Variants in GRM5 observed in about 807,000 individuals in gnomAD.
The protein encoded by GRM5 is glutamate metabotropic receptor 5, also known as metabotropic glutamate receptor 5.
GRM5 carries 19 observed loss-of-function variants against 83.1 expected under a neutral mutation model. That is an observed-to-expected ratio of 0.23 (90% CI 0.16 to 0.34). GRM5 has a LOEUF of 0.34. Ranked by LOEUF, GRM5 falls within the 10% of genes least tolerant of loss-of-function variation. The pLI, the probability that GRM5 is intolerant of heterozygous loss-of-function variation, is 1.00. For missense variants in GRM5, 1,160 were observed against 1,588.3 expected (o/e 0.73, Z 4.58); for synonymous variants, 675 against 633.6 (o/e 1.07, Z -0.98).
chr11:88,554,272 C>T (rs186028315), intron 8 of GRM5, among the ~76,000 whole-genome samples: 4 of 152,202 alleles, frequency 2.6e-5, no homozygotes, highest in East Asian at 1.9e-4. Flanking sequence ...AATGTCTCTC[C>T]GACTCTGGCA....
At chr11:88,573,623 T>C (rs1444558157) in intron 7 of GRM5, among the ~76,000 whole-genome samples, 1 of 152,184 alleles carries the variant, frequency 6.6e-6, no homozygotes, top group Non-Finnish European at 1.5e-5. Flanking sequence ...AGATATAAGA[T>C]AGATTATAAA....
At chr11:88,663,018 C>T (rs1483622453) in intron 3 of GRM5, among the ~76,000 whole-genome samples, 5 of 152,166 alleles carry the variant, frequency 3.3e-5, no homozygotes, top group African/African-American at 4.8e-5. Context: ...ACGCATTTTT[C>T]TTTAAGCTTC....
chr11:88,746,781 A>G (rs1484357535), intron 3 of GRM5, among the ~76,000 whole-genome samples: 1 of 152,152 alleles, frequency 6.6e-6, no homozygotes, highest in African/African-American at 2.4e-5. Context: ...TGTAATCAGA[A>G]AAAAAGTAGC....
rs142733716 is a variant in GRM5 at position 88,900,153 on chromosome 11, G to C, written c.662-49998C>G. 3.6e-3 allele frequency among the ~76,000 whole-genome samples: 554 copies of C among 152,200 alleles called. 1 individual carries two copies. The highest frequency in any genetic ancestry group is 0.013 in the African/African-American group (527 of 41,546). On this transcript the variant is annotated intron_variant, in intron 2 of 9. Transcript: ENST00000305447. ...TTAGATGTAGCTTCTACCGTAGATT[G>C]ATAAAAACCATAAATGCAGAACTAC...
chr11:88,653,444 C>A, intron 3 of GRM5, 41 bp from the exon 4 acceptor site: 1 of 1,355,198 alleles, frequency 7.4e-7, no homozygotes, highest in East Asian at 2.3e-5. Context: ...GAACAGATAT[C>A]TCCTAAGCAA....
At chr11:88,721,526 T>G (rs1941539829) in intron 3 of GRM5, among the ~76,000 whole-genome samples, 1 of 152,144 alleles carries the variant, frequency 6.6e-6, no homozygotes, top group Non-Finnish European at 1.5e-5. Context: ...AGCATTATCT[T>G]TCATAAGTGA....
chr11:88,639,238 C>T (rs918763649), intron 4 of GRM5, among the ~76,000 whole-genome samples: 2 of 152,068 alleles, frequency 1.3e-5, no homozygotes, highest in African/African-American at 2.4e-5. Flanking sequence ...ATGAATACTC[C>T]GCTGAATGCT....
intron 8 of GRM5, among the ~76,000 whole-genome samples, chr11:88,537,791 T>C (rs2135126634): frequency 6.6e-6 from 1 of 152,242 alleles, no homozygotes. Flanking sequence ...TCAACTTGAT[T>C]CCTTCAGATA....
intron 2 of GRM5, among the ~76,000 whole-genome samples, chr11:88,955,097 C>T (rs557024321): frequency 1.3e-5 from 2 of 152,194 alleles, no homozygotes; most frequent in African/African-American, 4.8e-5. Context: ...ATAGTGGTAA[C>T]ACAAAGCCAA....
chr11:88,955,723 C>T (rs948093910), intron 2 of GRM5, among the ~76,000 whole-genome samples: 1 of 152,052 alleles, frequency 6.6e-6, no homozygotes, highest in Non-Finnish European at 1.5e-5. Context: ...CCCACTTGTC[C>T]ACCTACTAAA....
chr11:88,960,128 A>G (rs1335537355), intron 2 of GRM5, among the ~76,000 whole-genome samples: 1 of 152,168 alleles, frequency 6.6e-6, no homozygotes, highest in Non-Finnish European at 1.5e-5. Flanking sequence ...AGAAAGAGCA[A>G]GGAGACCATT....
At chr11:88,605,114 C>A (rs563047743) in intron 4 of GRM5, 150 bp from the exon 5 acceptor site, 61 of 643,530 alleles carry the variant, frequency 9.5e-5, no homozygotes, top group Non-Finnish European at 1.1e-4. Flanking sequence ...AGAAACAGTA[C>A]CAACATAATG....
At chr11:88,678,478 C>A (rs1199687136) in intron 3 of GRM5, among the ~76,000 whole-genome samples, 1 of 152,120 alleles carries the variant, frequency 6.6e-6, no homozygotes, top group African/African-American at 2.4e-5. Flanking sequence ...TCATTTTCAA[C>A]CTTTCAACAT....
At chr11:88,638,685 C>G (rs931015776) in intron 4 of GRM5, among the ~76,000 whole-genome samples, 3 of 152,044 alleles carry the variant, frequency 2.0e-5, no homozygotes, top group Admixed American at 6.6e-5. Context: ...TTCATATTTT[C>G]TCTTTATCCT....
chr11:88,616,393 T>G (rs1938486106), intron 4 of GRM5, among the ~76,000 whole-genome samples: 4 of 81,980 alleles, frequency 4.9e-5, no homozygotes, highest in East Asian at 3.4e-4. Flanking sequence ...TGGAGTGTTT[T>G]TTTTTTTTTT....
At chr11:88,838,868 TACACACACAC>T (rs59388840) in intron 3 of GRM5, among the ~76,000 whole-genome samples, 45 of 144,842 alleles carry the variant, frequency 3.1e-4, no homozygotes, top group Non-Finnish European at 4.6e-4. Context: ...CCCCTTATGC[TACACACACAC>T]ACACACACAC....
Position 88,958,329 on chromosome 11 carries a change from T to C in GRM5, c.661+88883A>G, listed in dbSNP as rs957201778. Reference sequence around the variant, plus strand: ...GTTCACCTCTCAGATAAATAAATCATAATTATCATTTTCTGCTTTTAAATA... The same window carrying C: ...GTTCACCTCTCAGATAAATAAATCACAATTATCATTTTCTGCTTTTAAATA... On this transcript the variant is annotated intron_variant, in intron 2 of 9. Transcript: ENST00000305447. Among the ~76,000 whole-genome samples the C allele has an allele frequency of 4.0e-4, 61 of 151,300 alleles. 1 individual carries two copies. Among genetic ancestry groups the C allele is most frequent in the African/African-American group, 1.2e-3 (51 of 41,346 alleles).
At chr11:88,550,578 A>G (rs771667836) in intron 8 of GRM5, among the ~76,000 whole-genome samples, 11 of 152,160 alleles carry the variant, frequency 7.2e-5, no homozygotes, top group South Asian at 2.1e-4. Context: ...TATTGTCTTC[A>G]GACGTTGACT....
intron 2 of GRM5, among the ~76,000 whole-genome samples, chr11:89,004,989 G>A (rs2135077062): frequency 6.6e-6 from 1 of 152,254 alleles, no homozygotes; most frequent in East Asian, 1.9e-4. Context: ...AAAACTCAAT[G>A]ATTCCACCTC....
Sources: allele counts gnomAD v4.1 joint callset (sites outside exome capture counted in the v4.1 genomes callset), GRCh38; gene constraint gnomAD v4.1.1; transcripts MANE v1.5; gene names NCBI Gene and HGNC (gene_info 2026-07-23, HGNC 2026-07-21).